SORCS1: variants seen among roughly 807,000 people sequenced by gnomAD.
SORCS1 encodes the protein VPS10 domain-containing receptor SorCS1.
Under a neutral mutation model 146.1 loss-of-function variants are expected in SORCS1, and 60 were observed. The ratio of observed to expected loss-of-function variants is 0.41; its 90% CI spans 0.33 to 0.51. The LOEUF is 0.51. SORCS1 is among the 20% of genes least tolerant of loss of function. The pLI is 0.21. For synonymous variants in SORCS1, 637 were observed against 584.0 expected, an observed-to-expected ratio of 1.09 and a Z score of -1.31; for missense variants, 1,352 against 1,487.6, an observed-to-expected ratio of 0.91 and a Z score of 1.50.
At chr10:106,914,386 G>A (rs117009163) in intron 2 of SORCS1, among the ~76,000 whole-genome samples, 13 of 152,188 alleles carry the variant, frequency 8.5e-5, no homozygotes, top group East Asian at 3.9e-4. Context: ...AAGTATGTGC[G>A]AGCAAAAAGC....
chr10:106,928,069 A>G lies in SORCS1; in HGVS notation c.626+28444T>C, dbSNP rs1953166672. Among the ~76,000 whole-genome samples the G allele has an allele frequency of 2.6e-5, 4 of 152,380 alleles. No homozygotes were observed. The South Asian group carries it at 6.2e-4, about 24-fold the overall frequency. On this transcript the variant is annotated intron_variant, in intron 2 of 25. Coordinates refer to ENST00000263054, the MANE Select transcript of SORCS1 (RefSeq NM_052918.5). Reference sequence around the variant, plus strand: ...CCAGTGGATCCCGCACCGGCGCTGCATGTGGAGCTGCCTGCCAGTCCCGCG... The same window carrying G: ...CCAGTGGATCCCGCACCGGCGCTGCGTGTGGAGCTGCCTGCCAGTCCCGCG...
rs369198136 is a variant in SORCS1, at chr10:106,590,780, G to A, written c.3265+6571C>T. 9.9e-5 allele frequency among the ~76,000 whole-genome samples: 15 copies of A among 152,192 alleles called. No individual in the cohort carries two copies. In the East Asian group the frequency reaches 1.4e-3, roughly 14 times the overall value. On this transcript the variant is annotated intron_variant, in intron 24 of 25. Transcript: ENST00000263054. Reference sequence around the variant, plus strand: ...AGTGAATCTTGTGCCTCAGCCTCCCGAGTAGCTGGGGCTACAGGTGCACGC... The same window carrying A: ...AGTGAATCTTGTGCCTCAGCCTCCCAAGTAGCTGGGGCTACAGGTGCACGC...
intron 5 of SORCS1, among the ~76,000 whole-genome samples, chr10:106,733,329 C>T (rs1856742627): frequency 1.3e-5 from 2 of 152,066 alleles, no homozygotes; most frequent in Admixed American, 6.6e-5. Flanking sequence ...TTTGATGATG[C>T]CTCACCCCTA....
At chr10:106,804,723 T>G (rs1441173496) in intron 3 of SORCS1, among the ~76,000 whole-genome samples, 2 of 152,188 alleles carry the variant, frequency 1.3e-5, no homozygotes, top group Non-Finnish European at 2.9e-5. Flanking sequence ...CCTAGCATGG[T>G]GCACTCACAA....
At chr10:107,044,010 C>T (rs888322142) in intron 1 of SORCS1, among the ~76,000 whole-genome samples, 4 of 152,128 alleles carry the variant, frequency 2.6e-5, no homozygotes, top group African/African-American at 4.8e-5. Context: ...GCTGGTGTTC[C>T]CATTCTTGTT....
chr10:106,600,596 T>C, intron 23 of SORCS1: 1 of 985,368 alleles, frequency 1.0e-6, no homozygotes, highest in Non-Finnish European at 1.2e-6. Context: ...TTGTTACATA[T>C]ATTCTAAAGG....
At chr10:106,972,587 G>C (rs1955834334) in intron 1 of SORCS1, among the ~76,000 whole-genome samples, 1 of 151,724 alleles carries the variant, frequency 6.6e-6, no homozygotes, top group Non-Finnish European at 1.5e-5. Flanking sequence ...AGCTAGGTGG[G>C]GGGGCTGAGA....
chr10:107,128,779 T>C (rs1337623707), intron 1 of SORCS1, among the ~76,000 whole-genome samples: 2 of 152,216 alleles, frequency 1.3e-5, no homozygotes, highest in Non-Finnish European at 2.9e-5. Context: ...TGCGTGATGT[T>C]GATTAACATC....
At chr10:106,839,242 G>T (rs889497464) in intron 2 of SORCS1, among the ~76,000 whole-genome samples, 6 of 152,206 alleles carry the variant, frequency 3.9e-5, no homozygotes, top group Non-Finnish European at 7.3e-5. Flanking sequence ...CAGTCAAGCT[G>T]TGACTGCAAA....
rs1445178130 is a variant in SORCS1 at position 107,060,980 on chromosome 10, TGTTTCTA to T, written c.558+102982_558+102988del. 1.3e-5 allele frequency among the ~76,000 whole-genome samples: 2 copies of T among 152,198 alleles called. No homozygotes were observed. Among genetic ancestry groups the T allele is most frequent in the Non-Finnish European group, 2.9e-5 (2 of 68,028 alleles). ...AAGTTAAATAAAAAAATTTATCTTC[TGTTTCTA>T]CTCCAGCCAGATATATCTATGAGTA... On this transcript the variant is annotated intron_variant, in intron 1 of 25. Transcript: ENST00000263054. The surrounding 1 kb of genome is among the most constrained non-coding windows in gnomAD (Gnocchi z 4.1).
chr10:107,069,133 T>C (rs1962191071), intron 1 of SORCS1, among the ~76,000 whole-genome samples: 1 of 152,124 alleles, frequency 6.6e-6, no homozygotes, highest in Non-Finnish European at 1.5e-5. Flanking sequence ...GGGTATACTA[T>C]TGATTGAATA....
intron 1 of SORCS1, among the ~76,000 whole-genome samples, chr10:107,106,119 T>C (rs1965284365): frequency 6.6e-6 from 1 of 152,110 alleles, no homozygotes; most frequent in South Asian, 2.1e-4. Flanking sequence ...AAATGAGAAG[T>C]TTGGATGAGG....
intron 1 of SORCS1, among the ~76,000 whole-genome samples, chr10:107,090,935 C>T (rs1311184303): frequency 6.6e-6 from 1 of 151,966 alleles, no homozygotes; most frequent in Non-Finnish European, 1.5e-5. Flanking sequence ...CACACACACA[C>T]ACACACACGT....
intron 1 of SORCS1, among the ~76,000 whole-genome samples, chr10:107,133,807 T>C (rs864262): frequency 0.52 from 78,888 of 152,134 alleles, 21,006 homozygotes; most frequent in African/African-American, 0.65. Context: ...TAGCTGTATC[T>C]GTGAAATGAA....
chr10:106,738,731 C>T (rs1037917522), intron 5 of SORCS1, among the ~76,000 whole-genome samples: 1 of 152,198 alleles, frequency 6.6e-6, no homozygotes, highest in Non-Finnish European at 1.5e-5. Context: ...GTGGCTCACA[C>T]CTGTAATCCC....
Position 106,850,372 on chromosome 10 carries a change from C to G in SORCS1, c.627-20699G>C, listed in dbSNP as rs543098380. Among the ~76,000 whole-genome samples, 514 of 152,090 alleles carry G rather than the reference C, an allele frequency of 3.4e-3. 5 individuals carry two copies. The highest frequency in any genetic ancestry group is 0.012 in the African/African-American group (502 of 41,410). On this transcript the variant is annotated intron_variant, in intron 2 of 25. Coordinates refer to ENST00000263054, the MANE Select transcript of SORCS1 (RefSeq NM_052918.5). ...TTCCAGGTGCGTCCGTCACCCCTTT[C>G]TTTGACTCGGAAAGGGAACTCCCTG...
chr10:106,828,202 G>T lies in SORCS1; in HGVS notation c.726+1372C>A, dbSNP rs79768113. On this transcript the variant is annotated intron_variant, in intron 3 of 25. Coordinates refer to ENST00000263054, the MANE Select transcript of SORCS1 (RefSeq NM_052918.5). The stretch of plus-strand genomic sequence containing the variant: ...TATACTTGGTAATAGGTTTAGCTGG[G>T]TTTTCTCTCTTCTTCTTACTCCAGA... Among the ~76,000 whole-genome samples the T allele has an allele frequency of 6.9e-3, 1,054 of 152,174 alleles. 4 individuals are homozygous for T. The highest frequency in any genetic ancestry group is 8.8e-3 in the Non-Finnish European group (599 of 67,974).
intron 2 of SORCS1, among the ~76,000 whole-genome samples, chr10:106,945,973 C>T (rs1166105353): frequency 3.3e-5 from 5 of 152,174 alleles, no homozygotes; most frequent in Non-Finnish European, 7.3e-5. Flanking sequence ...AACAGGAATG[C>T]CTAGAGCTCT....
intron 6 of SORCS1, among the ~76,000 whole-genome samples, chr10:106,727,439 G>A (rs1291142891): frequency 6.6e-6 from 1 of 152,112 alleles, no homozygotes; most frequent in Non-Finnish European, 1.5e-5. Flanking sequence ...CTACAGTCTT[G>A]AACTCCTGGG....
Sources: allele counts gnomAD v4.1 joint callset (sites outside exome capture counted in the v4.1 genomes callset), GRCh38; gene constraint gnomAD v4.1.1; non-coding constraint Gnocchi (gnomAD v3.1); transcripts MANE v1.5; gene names NCBI Gene and HGNC (gene_info 2026-07-23, HGNC 2026-07-21).